BCL9: variants seen among roughly 807,000 people sequenced by gnomAD.
BCL9 encodes the protein B-cell CLL/lymphoma 9 protein.
BCL9 carries 25 observed loss-of-function variants against 88.5 expected under a neutral mutation model. The ratio of observed to expected loss-of-function variants is 0.28; its 90% confidence interval spans 0.21 to 0.39. The LOEUF (loss-of-function observed/expected upper bound fraction) is 0.39. Ranked by LOEUF, BCL9 falls within the 10% of genes least tolerant of loss-of-function variation. The pLI is 1.00. For missense variants in BCL9, 1,817 were observed against 1,877.8 expected, an observed-to-expected ratio of 0.97 and a Z score of 0.60; for synonymous variants, 711 against 673.3, an observed-to-expected ratio of 1.06 and a Z score of -0.87.
At chr1:147,623,452 C>T (rs1658754922) in intron 9 of BCL9, among the ~76,000 whole-genome samples, 1 of 152,140 alleles carries the variant, frequency 6.6e-6, no homozygotes, top group Non-Finnish European at 1.5e-5. Context: ...TGTTATGATT[C>T]CTGATCATTG....
chr1:147,612,647 T>C (rs1459559039), intron 4 of BCL9, among the ~76,000 whole-genome samples: 1 of 152,126 alleles, frequency 6.6e-6, no homozygotes. Flanking sequence ...TGGGTCCCCA[T>C]GTGACTGTAG....
At chr1:147,594,260 C>T (rs978284215) in intron 1 of BCL9, among the ~76,000 whole-genome samples, 55 of 152,250 alleles carry the variant, frequency 3.6e-4, no homozygotes, top group Admixed American at 1.2e-3. Context: ...TCTATTGCAA[C>T]GGTCCCATCT....
intron 1 of BCL9, among the ~76,000 whole-genome samples, chr1:147,570,390 G>C (rs76958244): frequency 0.095 from 14,489 of 152,168 alleles, 749 homozygotes; most frequent in East Asian, 0.22. Context: ...AAAGAGGTTG[G>C]GCAAGATGTA....
chr1:147,619,685 G>A lies in BCL9; in HGVS notation c.1530G>A (p.Val510=). The change falls in exon 8 of 10, where the codon GTG becomes GTA. Residue 510 remains valine, a synonymous_variant. Coordinates refer to ENST00000234739, the MANE Select transcript of BCL9 (RefSeq NM_004326.4). The surrounding 1 kb of genome is among the most constrained non-coding windows in gnomAD (Gnocchi z 4.1). ...TCCATCAGCACGGGCCTCGGGGAGTGGTCCGAGGACCCCCCCCTCCATACC... is the reference window on the plus strand; with the variant it reads ...TCCATCAGCACGGGCCTCGGGGAGTAGTCCGAGGACCCCCCCCTCCATACC... ...MMVHQHGPRG[V]VRGPPPPYQM... 2 of 1,614,066 alleles carry A rather than the reference G, an allele frequency of 1.2e-6. No individual in the cohort carries two copies. Among genetic ancestry groups the A allele is most frequent in the Middle Eastern group, 1.7e-4 (1 of 6,060 alleles).
chr1:147,567,964 C>T (rs1239247075), intron 1 of BCL9, among the ~76,000 whole-genome samples: 2 of 152,228 alleles, frequency 1.3e-5, no homozygotes, highest in Non-Finnish European at 2.9e-5. Flanking sequence ...GTGTTCCTTA[C>T]TGCTCTGCAA....
At chr1:147,576,050 A>T (rs1656097235) in intron 1 of BCL9, among the ~76,000 whole-genome samples, 1 of 152,084 alleles carries the variant, frequency 6.6e-6, no homozygotes, top group Admixed American at 6.5e-5. Context: ...ATGCCACATG[A>T]TGCATTGCGG....
intron 1 of BCL9, among the ~76,000 whole-genome samples, chr1:147,604,251 G>A (rs1657540926): frequency 6.6e-6 from 1 of 152,132 alleles, no homozygotes; most frequent in Non-Finnish European, 1.5e-5. Context: ...CGTCCCCCAG[G>A]TCTATCCACA....
At chr1:147,621,147 CACAG>C (rs1290914497) in intron 8 of BCL9, 90 bp downstream of exon 8, 23 of 1,356,586 alleles carry the variant, frequency 1.7e-5, no homozygotes, top group East Asian at 4.7e-5. Context: ...GTCTTGAGTA[CACAG>C]ACAGAGGAGG....
At chr1:147,584,478 A>C (rs628928) in intron 1 of BCL9, among the ~76,000 whole-genome samples, 36,563 of 151,990 alleles carry the variant, frequency 0.24, 8,928 homozygotes, top group African/African-American at 0.61. Flanking sequence ...CAGACAGTAG[A>C]ATTATTATTC....
intron 1 of BCL9, among the ~76,000 whole-genome samples, chr1:147,580,378 T>G (rs74125733): frequency 1.3e-5 from 2 of 152,266 alleles, no homozygotes; most frequent in African/African-American, 4.8e-5. Context: ...TGGTTTAGAT[T>G]AAAACCACAA....
chr1:147,560,911 T>C (rs587716369), intron 1 of BCL9, among the ~76,000 whole-genome samples: 1 of 152,358 alleles, frequency 6.6e-6, no homozygotes, highest in African/African-American at 2.4e-5. Flanking sequence ...AGGTATCCTC[T>C]TACTCATAAA....
chr1:147,561,652 A>G (rs1206381472), intron 1 of BCL9, among the ~76,000 whole-genome samples: 1 of 152,202 alleles, frequency 6.6e-6, no homozygotes, highest in Non-Finnish European at 1.5e-5. Flanking sequence ...TCTGCTAGGA[A>G]CTTAATAGGC....
chr1:147,562,516 A>T (rs1357983846), intron 1 of BCL9, among the ~76,000 whole-genome samples: 1 of 152,168 alleles, frequency 6.6e-6, no homozygotes, highest in African/African-American at 2.4e-5. Flanking sequence ...TTGCAGAAGG[A>T]TCAGAAGACC....
chr1:147,589,510 A>C (rs1656760858), intron 1 of BCL9, among the ~76,000 whole-genome samples: 1 of 152,140 alleles, frequency 6.6e-6, no homozygotes, highest in Non-Finnish European at 1.5e-5. Context: ...TCCCACCCCA[A>C]CTAATCTGCT....
chr1:147,576,743 C>T (rs587616620), intron 1 of BCL9, among the ~76,000 whole-genome samples: 4 of 152,246 alleles, frequency 2.6e-5, no homozygotes, highest in Admixed American at 2.6e-4. Flanking sequence ...GTTCCAGTCA[C>T]TGTAGGGAAC....
rs1190127613 is a variant in BCL9 at position 147,609,108 on chromosome 1, A to AT, written c.-260+2243dup. ...TAAGAAGAGAAGAGAAAAACATTGT[A>AT]TAAGTAGATCTAAGGTGTTAGGAGA... On this transcript the variant is annotated intron_variant, in intron 3 of 9. Transcript: ENST00000234739. Among the ~76,000 whole-genome samples, 3 of 152,336 alleles carry AT rather than the reference A, an allele frequency of 2.0e-5. No individual in the cohort carries two copies. In the East Asian group the frequency reaches 5.8e-4, roughly 29 times the overall value.
intron 1 of BCL9, among the ~76,000 whole-genome samples, chr1:147,547,509 C>T (rs1183908550): frequency 6.6e-6 from 1 of 152,116 alleles, no homozygotes; most frequent in African/African-American, 2.4e-5. Context: ...TGACAGTAAA[C>T]CACTGACTCT....
chr1:147,557,005 T>A (rs1213106606), intron 1 of BCL9, among the ~76,000 whole-genome samples: 3 of 152,128 alleles, frequency 2.0e-5, no homozygotes, highest in African/African-American at 4.8e-5. Context: ...CCACTGCACA[T>A]CCTCAGGCAG....
At position 147,624,053 on chromosome 1, in the gene BCL9, G is replaced by A. The variant is rs587696685; in HGVS notation, c.3375G>A (p.Gln1125=). 1.2e-6 allele frequency: 2 copies of A among 1,613,984 alleles called. No homozygotes were observed. Among genetic ancestry groups the A allele is most frequent in the Admixed American group, 3.3e-5 (2 of 60,020 alleles). The change falls in exon 10 of 10, where the codon CAG becomes CAA. Residue 1125 remains glutamine (Q), a synonymous_variant. Coordinates refer to ENST00000234739, the MANE Select transcript of BCL9 (RefSeq NM_004326.4). This position sits in a 1 kb window ranked among gnomAD's most constrained non-coding sequence, Gnocchi z 4.4. The part of the protein sequence containing the change: ...SHNPIMGHGS[Q]EPPMVPQGRM... Reference sequence around the variant, plus strand: ...ATCCTATCATGGGGCATGGGTCCCAGGAGCCACCGATGGTACCTCAAGGAC... The same window carrying A: ...ATCCTATCATGGGGCATGGGTCCCAAGAGCCACCGATGGTACCTCAAGGAC...
Sources: allele counts gnomAD v4.1 joint callset (sites outside exome capture counted in the v4.1 genomes callset), GRCh38; gene constraint gnomAD v4.1.1; non-coding constraint Gnocchi (gnomAD v3.1); transcripts MANE v1.5; gene names NCBI Gene and HGNC (gene_info 2026-07-23, HGNC 2026-07-21).